Variants in SCFD2 observed in about 807,000 individuals in gnomAD.
SCFD2 encodes sec1 family domain-containing protein 2.
Under a neutral mutation model 58.9 loss-of-function variants are expected in SCFD2, and 54 were observed. That is an observed-to-expected ratio of 0.92 (90% confidence interval 0.74 to 1.15). SCFD2 has a LOEUF of 1.15. Ranked by LOEUF, SCFD2 falls within the 50% of genes most tolerant of loss-of-function variation. The pLI, the probability that SCFD2 is intolerant of heterozygous loss-of-function variation, is 0.00. For missense variants in SCFD2, 805 were observed against 836.6 expected, an observed-to-expected ratio of 0.96 and a Z score of 0.47; for synonymous variants, 321 against 335.9, an observed-to-expected ratio of 0.96 and a Z score of 0.49.
chr4:53,246,676 C>A (rs9991945), intron 4 of SCFD2, among the ~76,000 whole-genome samples: 86,552 of 151,884 alleles, frequency 0.57, 24,991 homozygotes, highest in Middle Eastern at 0.65. Flanking sequence ...TTATACCATA[C>A]ATAAAAAACA....
intron 5 of SCFD2, among the ~76,000 whole-genome samples, chr4:53,072,391 T>G (rs1295195881): frequency 2.0e-5 from 3 of 152,192 alleles, no homozygotes; most frequent in Non-Finnish European, 4.4e-5. Context: ...CAGACATAGA[T>G]AAGCAACCTG....
chr4:52,875,601 A>G (rs1314078263), intron 8 of SCFD2, among the ~76,000 whole-genome samples: 1 of 151,592 alleles, frequency 6.6e-6, no homozygotes, highest in African/African-American at 2.4e-5. Context: ...GAATTAACCA[A>G]CCCCAAGTCC....
At chr4:52,921,477 G>C (rs1034213023) in intron 5 of SCFD2, among the ~76,000 whole-genome samples, 22 of 151,986 alleles carry the variant, frequency 1.4e-4, no homozygotes, top group Non-Finnish European at 3.1e-4. Flanking sequence ...AGCTCATTCA[G>C]AGGAGACATG....
At chr4:53,128,931 T>C (rs570180008) in intron 5 of SCFD2, among the ~76,000 whole-genome samples, 25 of 152,186 alleles carry the variant, frequency 1.6e-4, no homozygotes, top group Non-Finnish European at 3.2e-4. Context: ...GTGATTTGTA[T>C]GGAAAAGAAC....
At chr4:53,263,660 G>A (rs770464361) in intron 4 of SCFD2, among the ~76,000 whole-genome samples, 5 of 152,254 alleles carry the variant, frequency 3.3e-5, no homozygotes, top group Non-Finnish European at 5.9e-5. Context: ...CAGCAGGGGA[G>A]TGAAGTGGAC....
chr4:53,054,282 C>T (rs1437663937), intron 5 of SCFD2, among the ~76,000 whole-genome samples: 6 of 152,142 alleles, frequency 3.9e-5, no homozygotes, highest in African/African-American at 4.8e-5. Context: ...GAATAATATT[C>T]CCCTGTGTAT....
intron 5 of SCFD2, among the ~76,000 whole-genome samples, chr4:53,009,759 C>G (rs1722056113): frequency 6.6e-6 from 1 of 152,216 alleles, no homozygotes; most frequent in Admixed American, 6.5e-5. Flanking sequence ...CTATCACCCC[C>G]TGCTTCCCTT....
At chr4:53,298,631 A>C (rs1187367373) in intron 3 of SCFD2, among the ~76,000 whole-genome samples, 2 of 152,182 alleles carry the variant, frequency 1.3e-5, no homozygotes, top group Non-Finnish European at 2.9e-5. Context: ...AGATCTGAGA[A>C]AGGGCAGACT....
At chr4:53,075,035 T>C (rs1723931417) in intron 5 of SCFD2, among the ~76,000 whole-genome samples, 1 of 152,026 alleles carries the variant, frequency 6.6e-6, no homozygotes. Context: ...GAAAGCTGTA[T>C]CATCTACACT....
chr4:52,951,200 C>T (rs780693671), intron 5 of SCFD2, among the ~76,000 whole-genome samples: 10 of 152,164 alleles, frequency 6.6e-5, no homozygotes, highest in Non-Finnish European at 1.5e-4. Flanking sequence ...TCCTCCCTGA[C>T]TCACCAAAGA....
At chr4:53,015,278 C>T (rs1722184509) in intron 5 of SCFD2, among the ~76,000 whole-genome samples, 1 of 152,132 alleles carries the variant, frequency 6.6e-6, no homozygotes. Flanking sequence ...TCTTCTGATC[C>T]ACCACAGTTG....
intron 4 of SCFD2, among the ~76,000 whole-genome samples, chr4:53,223,907 C>T (rs911705685): frequency 1.2e-4 from 18 of 152,242 alleles, no homozygotes; most frequent in Admixed American, 3.3e-4. Context: ...ATAGATACTA[C>T]GAAACACAAA....
chr4:52,984,259 G>C (rs1345812533), intron 5 of SCFD2, among the ~76,000 whole-genome samples: 1 of 152,202 alleles, frequency 6.6e-6, no homozygotes, highest in Non-Finnish European at 1.5e-5. Flanking sequence ...AAACAAAAGG[G>C]TTGAAGTTGA....
At chr4:53,335,194 C>CAAAAAAAAAAAAAAA (rs56344451) in intron 2 of SCFD2, among the ~76,000 whole-genome samples, 11 of 80,578 alleles carry the variant, frequency 1.4e-4, no homozygotes, top group African/African-American at 2.1e-4. Context: ...GACTCCGTCT[C>CAAAAAAAAAAAAAAA]AAAAAAAAAA....
Position 53,135,566 on chromosome 4 carries a change from C to A in SCFD2, c.1561+9767G>T, listed in dbSNP as rs564721423. Among the ~76,000 whole-genome samples the A allele has an allele frequency of 2.6e-5, 4 of 152,182 alleles. No individual in the cohort carries two copies. In the East Asian group the frequency reaches 7.8e-4, roughly 29 times the overall value. On this transcript the variant is annotated intron_variant, in intron 5 of 8. Transcript: ENST00000401642. ...GACCATCCTGGCCAACATGGTGAAACCCCATCTCTACTAAAAATATGAAAA... is the reference window on the plus strand; with the variant it reads ...GACCATCCTGGCCAACATGGTGAAAACCCATCTCTACTAAAAATATGAAAA...
intron 4 of SCFD2, among the ~76,000 whole-genome samples, chr4:53,220,126 A>G (rs938425476): frequency 1.3e-5 from 2 of 152,092 alleles, no homozygotes; most frequent in African/African-American, 4.8e-5. Flanking sequence ...AACCCTCACC[A>G]TTCTGTATCT....
At chr4:53,340,402 G>A (rs554684362) in intron 2 of SCFD2, among the ~76,000 whole-genome samples, 11 of 152,224 alleles carry the variant, frequency 7.2e-5, no homozygotes, top group East Asian at 1.9e-4. Flanking sequence ...AGGCGGCAGC[G>A]AGGCTGGGGA....
intron 3 of SCFD2, among the ~76,000 whole-genome samples, chr4:53,289,427 T>A (rs1275625534): frequency 6.6e-6 from 1 of 152,054 alleles, no homozygotes; most frequent in African/African-American, 2.4e-5. Context: ...AGATGTTTTG[T>A]GTAAGCCTCA....
intron 4 of SCFD2, among the ~76,000 whole-genome samples, chr4:53,257,501 C>T (rs963952899): frequency 2.0e-5 from 3 of 152,152 alleles, no homozygotes; most frequent in Non-Finnish European, 2.9e-5. Flanking sequence ...TAGAACATCC[C>T]TCTCACTAAA....
Sources: allele counts gnomAD v4.1 joint callset (sites outside exome capture counted in the v4.1 genomes callset), GRCh38; gene constraint gnomAD v4.1.1; transcripts MANE v1.5; gene names NCBI Gene and HGNC (gene_info 2026-07-23, HGNC 2026-07-21).